The following NECAB3 variants were observed in gnomAD, a reference collection of about 807,000 sequenced individuals.
The protein encoded by NECAB3 is N-terminal EF-hand calcium binding protein 3, also known as N-terminal EF-hand calcium-binding protein 3.
NECAB3 carries 38 observed loss-of-function variants against 57.2 expected under a neutral mutation model. The observed-to-expected ratio is 0.66, with a 90% CI of 0.51 to 0.87. NECAB3 has a LOEUF of 0.87. Ranked by LOEUF, NECAB3 falls within the 40% of genes least tolerant of loss-of-function variation. The pLI, the probability that NECAB3 is intolerant of heterozygous loss-of-function variation, is 0.00. For missense variants in NECAB3, 474 were observed against 527.5 expected, an observed-to-expected ratio of 0.90 and a Z score of 0.99; for synonymous variants, 223 against 222.6, an observed-to-expected ratio of 1.00 and a Z score of -0.02.
chr20:33,673,887 C>T (rs1159376582), intron 1 of NECAB3, among the ~76,000 whole-genome samples: 1 of 152,100 alleles, frequency 6.6e-6, no homozygotes, highest in Non-Finnish European at 1.5e-5. Flanking sequence ...CCTTGCGTTT[C>T]CAGGCTCCCC....
intron 8 of NECAB3, among the ~76,000 whole-genome samples, chr20:33,659,186 CCT>C (rs2017376765): frequency 6.6e-6 from 1 of 152,182 alleles, no homozygotes; most frequent in African/African-American, 2.4e-5. Context: ...TCCTCTTCTC[CCT>C]GTCTCCAAGG....
chr20:33,659,954 G>C lies in NECAB3; in HGVS notation c.574C>G (p.Arg192Gly). Reference sequence around the variant, plus strand: ...CTCCTCAGGGCTCGGCGTCCTGCCCGCCGGCTGCCGCAGAGCCTGCTCTGC... The same window carrying C: ...CTCCTCAGGGCTCGGCGTCCTGCCCCCCGGCTGCCGCAGAGCCTGCTCTGC... The part of the protein sequence containing the change: ...EAQSRLCGSR[R>G]AGRRALRSVS... The change falls in exon 7 of 12, where the codon CGG becomes GGG. Residue 192 changes from arginine to glycine, a missense_variant. Arg to Gly is a moderately radical substitution (Grantham distance 125). Coordinates refer to ENST00000246190, the MANE Select transcript of NECAB3 (RefSeq NM_031232.4). 6.4e-7 allele frequency: 1 copy of C among 1,557,406 alleles called. No individual in the cohort carries two copies. Among genetic ancestry groups the C allele is most frequent in the South Asian group, 1.2e-5 (1 of 85,154 alleles).
chr20:33,663,954 G>A, intron 5 of NECAB3: 2 of 1,222,200 alleles, frequency 1.6e-6, no homozygotes, highest in Non-Finnish European at 1.1e-6. Context: ...GCGCGGAGTC[G>A]GGGTGGGCAA....
At chr20:33,659,789 C>G in intron 7 of NECAB3, 57 bp from the exon 8 acceptor site, 1 of 1,533,826 alleles carries the variant, frequency 6.5e-7, no homozygotes, top group Non-Finnish European at 8.7e-7. Context: ...CGCAGGTGCT[C>G]AGAATGAAGT....
At chr20:33,668,927 G>A (rs966431335) in intron 5 of NECAB3, among the ~76,000 whole-genome samples, 1 of 152,206 alleles carries the variant, frequency 6.6e-6, no homozygotes, top group Non-Finnish European at 1.5e-5. Context: ...GGGTGTTCAC[G>A]TACCTGCCTA....
At chr20:33,668,220 C>G in intron 5 of NECAB3, 2 of 1,595,632 alleles carry the variant, frequency 1.3e-6, no homozygotes, top group Non-Finnish European at 1.7e-6. Context: ...GGCTGCTGTA[C>G]GATGTGTTCA....
chr20:33,663,656 G>A (rs2017556945), intron 5 of NECAB3: 2 of 1,589,984 alleles, frequency 1.3e-6, no homozygotes, highest in South Asian at 1.1e-5. Flanking sequence ...CGCGGAGCGG[G>A]CGAAGGTAGC....
intron 5 of NECAB3, chr20:33,667,404 C>A: frequency 7.2e-7 from 1 of 1,395,942 alleles, no homozygotes; most frequent in Non-Finnish European, 9.3e-7. Context: ...AGCAGTGGCC[C>A]GTGCTGGTGA....
intron 2 of NECAB3, among the ~76,000 whole-genome samples, chr20:33,671,245 T>C (rs976309065): frequency 6.6e-6 from 1 of 152,082 alleles, no homozygotes; most frequent in Non-Finnish European, 1.5e-5. Context: ...TCCTACTAGT[T>C]GGAGCCTCTG....
At chr20:33,667,213 C>A in intron 5 of NECAB3, 1 of 351,188 alleles carries the variant, frequency 2.8e-6, no homozygotes, top group Non-Finnish European at 5.1e-6. Context: ...GCGCATAGTG[C>A]TGAAGAGCTC....
At chr20:33,659,177 C>T (rs891240101) in intron 8 of NECAB3, among the ~76,000 whole-genome samples, 31 of 152,190 alleles carry the variant, frequency 2.0e-4, no homozygotes, top group African/African-American at 6.8e-4. Flanking sequence ...CTGTCTCCAT[C>T]CTCTTCTCCC....
rs779153186 is a variant in NECAB3 at position 33,670,784 on chromosome 20, T to A, written c.163A>T (p.Lys55Ter). 6.2e-7 allele frequency: 1 copy of A among 1,613,426 alleles called. No homozygotes were observed. Among genetic ancestry groups the A allele is most frequent in the Admixed American group, 1.7e-5 (1 of 59,992 alleles). ...FRRADKNDDG[K>*]LSFEEFQNYF... ...TTCTGGAATTCCTCAAATGAGAGCT[T>A]CCCATCATCTGGGGTGGCAGGGGGA... The change falls in exon 3 of 12, where the codon AAG becomes TAG. Residue 55 changes from lysine (K) to a stop codon, truncating the protein, a stop_gained. Coordinates refer to ENST00000246190, the MANE Select transcript of NECAB3 (RefSeq NM_031232.4). LOFTEE classifies it high-confidence loss of function.
At chr20:33,663,261 G>A (rs1325534720) in intron 5 of NECAB3, 3 of 530,322 alleles carry the variant, frequency 5.7e-6, no homozygotes, top group Non-Finnish European at 9.9e-6. Context: ...CATAAACTTA[G>A]ACGGAGCTGG....
At position 33,674,280 on chromosome 20, in the gene NECAB3, G is replaced by GCGGGGTC; in HGVS notation, c.66_72dup (p.Arg25AspfsTer30). ...GGGTCGGGCGCGAGCTGGGGGTGCC[G>GCGGGGTC]CGGGGTCTGGGGCTGGGGCTGGGGC... On this transcript the variant is annotated frameshift_variant, in exon 1 of 12. Coordinates refer to ENST00000246190, the MANE Select transcript of NECAB3 (RefSeq NM_031232.4). LOFTEE classifies it high-confidence loss of function. 8.1e-7 allele frequency: 1 copy of GCGGGGTC among 1,228,356 alleles called. No homozygotes were observed. Among genetic ancestry groups the GCGGGGTC allele is most frequent in the Non-Finnish European group, 1.0e-6 (1 of 984,950 alleles). The allele number at this position is 1,228,356 out of a possible 1,614,324, so 76.1% of individuals were successfully genotyped here.
rs760969684 is a variant in NECAB3 at position 33,668,251 on chromosome 20, G to C, written c.387+1124C>G. ...GTTCAACTGAGTCAGGCTGGACTGGGGGGGGTGGCACTGCGTTGGGGGACA... is the reference window on the plus strand; with the variant it reads ...GTTCAACTGAGTCAGGCTGGACTGGCGGGGGTGGCACTGCGTTGGGGGACA... On this transcript the variant is annotated intron_variant, in intron 5 of 11. Coordinates refer to ENST00000246190, the MANE Select transcript of NECAB3 (RefSeq NM_031232.4). The C allele has an allele frequency of 6.4e-6, 10 of 1,562,240 alleles. No homozygotes were observed. In the African/African-American group the frequency reaches 6.8e-5, roughly 11 times the overall value.
At chr20:33,662,563 G>C in intron 5 of NECAB3, 1 of 1,403,942 alleles carries the variant, frequency 7.1e-7, no homozygotes, top group Non-Finnish European at 9.7e-7. Flanking sequence ...TGGGAGTCTA[G>C]GCCTTGTATG....
At chr20:33,662,134 G>A (rs1474295055) in intron 5 of NECAB3, 4 of 583,772 alleles carry the variant, frequency 6.9e-6, no homozygotes, top group African/African-American at 1.9e-5. Context: ...TACATGCATT[G>A]CCTCATTTAT....
chr20:33,662,511 T>G, intron 5 of NECAB3: 1 of 1,543,232 alleles, frequency 6.5e-7, no homozygotes, highest in Non-Finnish European at 8.8e-7. Context: ...GGGAGGCAGC[T>G]GGGGGGCAGA....
chr20:33,669,052 G>T, intron 5 of NECAB3: 1 of 315,576 alleles, frequency 3.2e-6, no homozygotes, highest in Non-Finnish European at 5.9e-6. Flanking sequence ...AGCAACTAAA[G>T]CAACAGCAGC....
Sources: gnomAD v4.1 joint callset for allele counts (sites outside exome capture counted in the v4.1 genomes callset) on GRCh38, gnomAD v4.1.1 for gene constraint, MANE v1.5 for transcripts, NCBI Gene and HGNC (gene_info 2026-07-23, HGNC 2026-07-21) for gene names.